TAF1D: variants seen among roughly 807,000 people sequenced by gnomAD.
TAF1D encodes the protein TATA box-binding protein-associated factor RNA polymerase I subunit D.
A neutral mutation model predicts 26.2 loss-of-function variants in TAF1D; 23 were observed. The observed-to-expected ratio is 0.88, with a 90% confidence interval of 0.63 to 1.25. TAF1D has a LOEUF of 1.25. TAF1D is among the 50% of genes most tolerant of loss of function. TAF1D has a pLI of 0.00. For synonymous variants in TAF1D, 100 were observed against 105.6 expected (o/e 0.95, Z 0.33); for missense variants, 299 against 322.0 (o/e 0.93, Z 0.55).
chr11:93,740,605 T>C (rs1941776215), intron 1 of TAF1D, among the ~76,000 whole-genome samples: 1 of 152,058 alleles, frequency 6.6e-6, no homozygotes, highest in Non-Finnish European at 1.5e-5. Context: ...TAGCAAAATA[T>C]TTAAAATATG....
At chr11:93,731,427 T>C (rs1296610627), downstream of TAF1D, 2 of 503,902 alleles carry the variant, frequency 4.0e-6, no homozygotes, top group Non-Finnish European at 7.9e-6. Context: ...ATTTGCTCTA[T>C]GATCATGTTT....
chr11:93,737,991 A>T, intron 3 of TAF1D, 118 bp downstream of exon 3: 1 of 1,184,452 alleles, frequency 8.4e-7, no homozygotes. Flanking sequence ...AGTATAGAAG[A>T]GTATCAAAAT....
At chr11:93,733,086 CCT>C (rs1197597654), downstream of TAF1D, 23 of 349,488 alleles carry the variant, frequency 6.6e-5, no homozygotes, top group African/African-American at 1.3e-4. Context: ...ATTTTACTTA[CCT>C]CTCAACATGA....
Position 93,737,117 on chromosome 11 carries a change from A to G in TAF1D, c.582T>C (p.Arg194=). Residue 194 remains arginine (R), a synonymous_variant, in exon 4 of 6, where the codon CGT becomes CGC. Coordinates refer to ENST00000448108, the MANE Select transcript of TAF1D (RefSeq NM_024116.4). ...EDLENEDFDS[R]RYKFLDDDGS... Reference sequence around the variant, plus strand: ...CATCATCATCCAAAAATTTGTATCTACGACTGTCAAAATCTTCATTTTCTA... The same window carrying G: ...CATCATCATCCAAAAATTTGTATCTGCGACTGTCAAAATCTTCATTTTCTA... 1 of 1,612,152 alleles carries G rather than the reference A, an allele frequency of 6.2e-7. No homozygotes were observed. The highest frequency in any genetic ancestry group is 8.5e-7 in the Non-Finnish European group (1 of 1,179,178).
intron 3 of TAF1D, among the ~76,000 whole-genome samples, chr11:93,737,702 T>C (rs1297174597): frequency 6.6e-6 from 1 of 152,232 alleles, no homozygotes; most frequent in Non-Finnish European, 1.5e-5. Flanking sequence ...TTCAGATAAT[T>C]GGCTTAGAAA....
At position 93,735,961 on chromosome 11, in the gene TAF1D, G is replaced by GT. The variant is rs1006297493; in HGVS notation, c.*199dup. 3.1e-5 allele frequency: 42 copies of GT among 1,336,250 alleles called. No individual in the cohort carries two copies. The highest frequency in any genetic ancestry group is 7.5e-5 in the South Asian group (4 of 53,466). 82.8% of individuals were successfully genotyped at this position (1,336,250 alleles called of 1,614,324 possible). On this transcript the variant is annotated 3_prime_UTR_variant, in exon 6 of 6. Coordinates refer to ENST00000448108, the MANE Select transcript of TAF1D (RefSeq NM_024116.4). The stretch of plus-strand genomic sequence containing the variant: ...ATGTATTTTCTCTGGTGTTTTAATG[G>GT]TTTTTTTTCTAATTATTACTACTTC...
intron 1 of TAF1D, among the ~76,000 whole-genome samples, chr11:93,740,525 A>C (rs994955373): frequency 6.7e-6 from 1 of 150,216 alleles, no homozygotes; most frequent in Non-Finnish European, 1.5e-5. Context: ...TGCCTTAGTC[A>C]ATCTCTTGTC....
At chr11:93,731,053 T>C (rs1422328593), downstream of TAF1D, 1 of 519,112 alleles carries the variant, frequency 1.9e-6, no homozygotes, top group Admixed American at 1.9e-5. Context: ...TATGGTCATG[T>C]CCACAGCAAA....
intron 1 of TAF1D, among the ~76,000 whole-genome samples, chr11:93,740,627 T>C (rs923600819): frequency 1.1e-4 from 17 of 151,822 alleles, no homozygotes; most frequent in South Asian, 2.1e-4. Context: ...AACGATAAGG[T>C]CACCAAGAGC....
rs183898916 is a variant in TAF1D at position 93,741,495 on chromosome 11, G to A, written c.-201C>T. 2.5e-4 allele frequency: 112 copies of A among 456,088 alleles called. No homozygotes were observed. The East Asian group carries it at 6.0e-3, about 24-fold the overall frequency. 28.3% of individuals were successfully genotyped at this position (456,088 alleles called of 1,614,324 possible). A position where few individuals can be genotyped will look rare whatever the true frequency, so the allele number is the denominator to read the frequency against. Reference sequence around the variant, plus strand: ...CTCCTCCAACCGTGCGGAAGAAAAGGGTTGGCTATTTCCGTGGCCCAAGTA... The same window carrying A: ...CTCCTCCAACCGTGCGGAAGAAAAGAGTTGGCTATTTCCGTGGCCCAAGTA... On this transcript the variant is annotated 5_prime_UTR_variant, in exon 1 of 6. Transcript: ENST00000448108.
chr11:93,741,470 C>T lies in TAF1D; in HGVS notation c.-176G>A, dbSNP rs1311623171. On this transcript the variant is annotated 5_prime_UTR_variant, in exon 1 of 6. Coordinates refer to ENST00000448108, the MANE Select transcript of TAF1D (RefSeq NM_024116.4). Reference sequence around the variant, plus strand: ...CTCCAACTCCCGATAACCAGCCGACCTCCTCCAACCGTGCGGAAGAAAAGG... The same window carrying T: ...CTCCAACTCCCGATAACCAGCCGACTTCCTCCAACCGTGCGGAAGAAAAGG... 4.4e-6 allele frequency: 2 copies of T among 456,312 alleles called. No individual in the cohort carries two copies. The highest frequency in any genetic ancestry group is 8.8e-6 in the Non-Finnish European group (2 of 226,976). The allele number at this position is 456,312 out of a possible 1,614,324, so 28.3% of individuals were successfully genotyped here.
At chr11:93,739,133 G>C in intron 2 of TAF1D, 104 bp downstream of exon 2, 1 of 889,648 alleles carries the variant, frequency 1.1e-6, no homozygotes, top group Non-Finnish European at 1.7e-6. Flanking sequence ...GTGAAATCTA[G>C]TTTTCCTTCT....
downstream of TAF1D, chr11:93,734,617 A>G (rs1387923470): frequency 6.8e-5 from 50 of 733,212 alleles, no homozygotes; most frequent in Admixed American, 1.2e-3. Context: ...ACTCAAATTG[A>G]GACATACCTT....
At chr11:93,734,836 TGCCATCAAA>T (rs919103226), downstream of TAF1D, 3 of 1,062,912 alleles carry the variant, frequency 2.8e-6, no homozygotes, top group African/African-American at 5.0e-5. Context: ...AGTACAGTGG[TGCCATCAAA>T]GCTCAGTGCA....
In TAF1D at chr11:93,736,742, A is replaced by C. The variant is rs112933843; in HGVS notation, c.645T>G (p.Asp215Glu). 451 of 1,611,090 alleles carry C rather than the reference A, an allele frequency of 2.8e-4. 2 individuals carry two copies. In the African/African-American group the frequency reaches 5.0e-3, roughly 18 times the overall value. ...ISPIEESTAE[D>E]EDATHLEDNE... ...TATCTTCAAGATGTGTTGCATCCTCATCCTCTGCTCTGTAATATTAAAATT... is the reference window on the plus strand; with the variant it reads ...TATCTTCAAGATGTGTTGCATCCTCCTCCTCTGCTCTGTAATATTAAAATT... Residue 215 changes from aspartate to glutamate, a missense_variant, in exon 5 of 6, where the codon GAT (aspartate) becomes GAG (glutamate). Asp to Glu is a conservative substitution (Grantham distance 45). Coordinates refer to ENST00000448108, the MANE Select transcript of TAF1D (RefSeq NM_024116.4).
At position 93,741,493 on chromosome 11, in the gene TAF1D, A is replaced by G. The variant is rs763088761; in HGVS notation, c.-199T>C. On this transcript the variant is annotated 5_prime_UTR_variant, in exon 1 of 6. Coordinates refer to ENST00000448108, the MANE Select transcript of TAF1D (RefSeq NM_024116.4). ...ACCTCCTCCAACCGTGCGGAAGAAA[A>G]GGGTTGGCTATTTCCGTGGCCCAAG... 1 of 456,014 alleles carries G rather than the reference A, an allele frequency of 2.2e-6. No homozygotes were observed. The highest frequency in any genetic ancestry group is 4.4e-6 in the Non-Finnish European group (1 of 226,856). The allele number at this position is 456,014 out of a possible 1,614,324, so 28.2% of individuals were successfully genotyped here. A position where few individuals can be genotyped will look rare whatever the true frequency, so the allele number is the denominator to read the frequency against.
exon 12 of TAF1D, chr11:93,730,368 G>C (rs1266240286): frequency 1.0e-6 from 1 of 972,382 alleles, no homozygotes; most frequent in Admixed American, 1.9e-5. Context: ...ATTCCATGTT[G>C]TGATTTCTTC....
At chr11:93,730,535 A>T (rs1289529137) in exon 12 of TAF1D, 3 of 671,480 alleles carry the variant, frequency 4.5e-6, no homozygotes, top group South Asian at 4.1e-5. Flanking sequence ...TCAGGAAAAC[A>T]TAGCACCAAA....
intron 2 of TAF1D, 179 bp downstream of exon 2, chr11:93,739,058 T>C: frequency 1.8e-6 from 1 of 569,736 alleles, no homozygotes; most frequent in South Asian, 2.3e-5. Flanking sequence ...TATTCACATT[T>C]TGAATTTAAA....
Sources: gnomAD v4.1 joint callset for allele counts (sites outside exome capture counted in the v4.1 genomes callset) on GRCh38, gnomAD v4.1.1 for gene constraint, MANE v1.5 for transcripts, NCBI Gene and HGNC (gene_info 2026-07-23, HGNC 2026-07-21) for gene names.